The following CPO variants were observed in gnomAD, a reference collection of about 807,000 sequenced individuals.
CPO encodes metallocarboxypeptidase C.
Under a neutral mutation model 41.2 loss-of-function variants are expected in CPO, and 43 were observed. The ratio of observed to expected loss-of-function variants is 1.04; its 90% CI spans 0.82 to 1.35. The LOEUF (loss-of-function observed/expected upper bound fraction) is 1.35. CPO is among the 40% of genes most tolerant of loss of function. The pLI, the probability that CPO is intolerant of heterozygous loss-of-function variation, is 0.00. For synonymous variants in CPO, 178 were observed against 162.7 expected, an observed-to-expected ratio of 1.09 and a Z score of -0.72; for missense variants, 408 against 451.7, an observed-to-expected ratio of 0.90 and a Z score of 0.88.
rs181571240 is a variant in CPO at position 206,962,318 on chromosome 2, C to G, written c.575-94C>G. ...CAACCAAGGGCAAGCGCTGATTCTA[C>G]TCACAGAGGCCCTGAGTATGGATGA... On this transcript the variant is annotated intron_variant, in intron 6 of 8. Coordinates refer to ENST00000272852, the MANE Select transcript of CPO (RefSeq NM_173077.3). 3.2e-5 allele frequency: 35 copies of G among 1,097,736 alleles called. No homozygotes were observed. In the East Asian group the frequency reaches 7.8e-4, roughly 24 times the overall value. The allele number at this position is 1,097,736 out of a possible 1,614,324, so 68.0% of individuals were successfully genotyped here. A position where few individuals can be genotyped will look rare whatever the true frequency, so the allele number is the denominator to read the frequency against.
intron 1 of CPO, among the ~76,000 whole-genome samples, chr2:206,948,353 C>T (rs1292832976): frequency 6.6e-6 from 1 of 152,106 alleles, no homozygotes; most frequent in Non-Finnish European, 1.5e-5. Context: ...TGTATGAGTC[C>T]AACTATGTTA....
chr2:206,968,758 G>C lies in CPO; in HGVS notation c.862+411G>C, dbSNP rs904923673. 2.6e-5 allele frequency among the ~76,000 whole-genome samples: 4 copies of C among 152,276 alleles called. No individual in the cohort carries two copies. The East Asian group carries it at 7.7e-4, about 29-fold the overall frequency. On this transcript the variant is annotated intron_variant, in intron 8 of 8. Coordinates refer to ENST00000272852, the MANE Select transcript of CPO (RefSeq NM_173077.3). Reference sequence around the variant, plus strand: ...AATTTAGTTGAAAGGAGAGCGCTCTGTTTCTCCCAACCCCAATCTCCACCC... The same window carrying C: ...AATTTAGTTGAAAGGAGAGCGCTCTCTTTCTCCCAACCCCAATCTCCACCC...
At chr2:206,949,779 G>A in intron 2 of CPO, 66 bp downstream of exon 2, 2 of 983,792 alleles carry the variant, frequency 2.0e-6, no homozygotes, top group Non-Finnish European at 3.3e-6. Flanking sequence ...GGCAAAGAAT[G>A]GTTCACTAGT....
At chr2:206,953,691 G>A (rs1324748027) in intron 2 of CPO, among the ~76,000 whole-genome samples, 1 of 152,224 alleles carries the variant, frequency 6.6e-6, no homozygotes, top group African/African-American at 2.4e-5. Context: ...ACTAGGCAGT[G>A]CCCCAGTGGG....
chr2:206,965,424 CAAA>C (rs1693555045), intron 7 of CPO, among the ~76,000 whole-genome samples: 1 of 151,954 alleles, frequency 6.6e-6, no homozygotes, highest in Non-Finnish European at 1.5e-5. Flanking sequence ...CTATTATTTA[CAAA>C]AACCAAAAGT....
At chr2:206,959,822 C>A in intron 5 of CPO, 81 bp downstream of exon 5, 1 of 672,336 alleles carries the variant, frequency 1.5e-6, no homozygotes, top group Non-Finnish European at 2.7e-6. Context: ...GTTATCCATT[C>A]CGGCTCTAAA....
At position 206,961,091 on chromosome 2, in the gene CPO, G is replaced by A. The variant is rs1693470441; in HGVS notation, c.574+149G>A. 4.7e-6 allele frequency: 3 copies of A among 632,752 alleles called. No homozygotes were observed. The South Asian group carries it at 5.8e-5, about 12-fold the overall frequency. 39.2% of individuals were successfully genotyped at this position (632,752 alleles called of 1,614,324 possible). A position where few individuals can be genotyped will look rare whatever the true frequency, so the allele number is the denominator to read the frequency against. ...TAATGAGTTTTATTCCCTCTAACAG[G>A]ATAATATTATCTACATAGTAAGAGC... On this transcript the variant is annotated intron_variant, in intron 6 of 8. Transcript: ENST00000272852.
At chr2:206,945,336 A>C (rs1693122962) in intron 1 of CPO, among the ~76,000 whole-genome samples, 1 of 152,222 alleles carries the variant, frequency 6.6e-6, no homozygotes, top group African/African-American at 2.4e-5. Context: ...CCAAAAGTTC[A>C]TACTCCAATG....
chr2:206,949,750 C>T (rs1314820907), intron 2 of CPO, 37 bp downstream of exon 2: 1 of 1,326,738 alleles, frequency 7.5e-7, no homozygotes, highest in Non-Finnish European at 1.1e-6. Context: ...TGGTGGTTGT[C>T]ACAACCTACT....
At position 206,958,366 on chromosome 2, in the gene CPO, A is replaced by G; in HGVS notation, c.333A>G (p.Glu111=). 6.2e-7 allele frequency: 1 copy of G among 1,601,862 alleles called. No individual in the cohort carries two copies. Among genetic ancestry groups the G allele is most frequent in the Non-Finnish European group, 8.5e-7 (1 of 1,174,140 alleles). ...IWMDCGIHAR[E]WIAPAFCQWF... ...TGGACTGTGGAATTCACGCCAGAGA[A>G]TGGATTGCTCCTGCTTTTTGCCAAT... Residue 111 remains glutamate, a synonymous_variant, in exon 4 of 9, where the codon GAA becomes GAG. Transcript: ENST00000272852.
chr2:206,959,670 C>A lies in CPO; in HGVS notation c.412C>A (p.Leu138Ile). The A allele has an allele frequency of 1.3e-6, 2 of 1,568,080 alleles. No individual in the cohort carries two copies. Among genetic ancestry groups the A allele is most frequent in the Non-Finnish European group, 1.8e-6 (2 of 1,138,142 alleles). Residue 138 changes from leucine to isoleucine, a missense_variant, in exon 5 of 9, where the codon CTC becomes ATC. Coordinates refer to ENST00000272852, the MANE Select transcript of CPO (RefSeq NM_173077.3). ...TAAAGACAACTCAAGTATACGCAAG[C>A]TCCTTAGGAACCTGGACTTCTATGT... ...NHKDNSSIRK[L>I]LRNLDFYVLP... is the part of the protein sequence containing the mutation.
intron 2 of CPO, among the ~76,000 whole-genome samples, chr2:206,953,944 G>A (rs555568391): frequency 2.1e-4 from 32 of 152,318 alleles, no homozygotes; most frequent in African/African-American, 6.5e-4. Context: ...CTGAAGCCAT[G>A]GCCTGAGCTG....
At chr2:206,951,353 T>C (rs541855832) in intron 2 of CPO, among the ~76,000 whole-genome samples, 2 of 152,364 alleles carry the variant, frequency 1.3e-5, no homozygotes, top group East Asian at 3.9e-4. Context: ...TAGCTTCTAC[T>C]TATGTACGTG....
At chr2:206,962,376 C>A (rs573125241) in intron 6 of CPO, 36 bp from the exon 7 acceptor site, 2 of 1,585,652 alleles carry the variant, frequency 1.3e-6, no homozygotes, top group African/African-American at 1.3e-5. Context: ...AAACTGAGAT[C>A]ATGCAGCCTT....
chr2:206,960,987 GAAGT>G (rs373638198), intron 6 of CPO, 45 bp downstream of exon 6: 211 of 1,310,500 alleles, frequency 1.6e-4, no homozygotes, highest in Non-Finnish European at 2.0e-4. Context: ...ATAAAGCTGA[GAAGT>G]AAGAAAAGAG....
At chr2:206,941,157 A>G in intron 1 of CPO, among the ~76,000 whole-genome samples, 1 of 152,124 alleles carries the variant, frequency 6.6e-6, no homozygotes, top group East Asian at 1.9e-4. Flanking sequence ...CTAAAGTCTG[A>G]AAGAGTTTTA....
chr2:206,950,961 AGG>A (rs1373260381), intron 2 of CPO, among the ~76,000 whole-genome samples: 3 of 152,120 alleles, frequency 2.0e-5, no homozygotes, highest in Non-Finnish European at 4.4e-5. Flanking sequence ...GGATAGCATT[AGG>A]AGAAATACCT....
chr2:206,940,571 T>C (rs1693009610), intron 1 of CPO, among the ~76,000 whole-genome samples: 1 of 152,090 alleles, frequency 6.6e-6, no homozygotes, highest in Admixed American at 6.6e-5. Flanking sequence ...TTTTGTGGTC[T>C]CTCCCTACTC....
chr2:206,957,620 C>T (rs1423870641), intron 3 of CPO, among the ~76,000 whole-genome samples: 1 of 152,122 alleles, frequency 6.6e-6, no homozygotes, highest in Non-Finnish European at 1.5e-5. Context: ...GTGACTGTTC[C>T]AAGCATGGGA....
Sources: gnomAD v4.1 joint callset for allele counts (sites outside exome capture counted in the v4.1 genomes callset) on GRCh38, gnomAD v4.1.1 for gene constraint, MANE v1.5 for transcripts, NCBI Gene and HGNC (gene_info 2026-07-23, HGNC 2026-07-21) for gene names.